The following SMOC2 variants were observed in gnomAD, a reference collection of about 807,000 sequenced individuals.
SMOC2 encodes the protein SPARC-related modular calcium-binding protein 2.
A neutral mutation model predicts 61.4 loss-of-function variants in SMOC2; 39 were observed. That is an observed-to-expected ratio of 0.64 (90% confidence interval 0.49 to 0.83). SMOC2 has a LOEUF of 0.83. Among genes scored for constraint, SMOC2 ranks in the 40% least tolerant of loss-of-function variants. SMOC2 has a pLI of 0.00. For synonymous variants in SMOC2, 247 were observed against 239.9 expected (o/e 1.03, Z -0.27); for missense variants, 556 against 592.9 (o/e 0.94, Z 0.65).
At chr6:168,458,665 G>C (rs192041331) in intron 1 of SMOC2, among the ~76,000 whole-genome samples, 3 of 152,088 alleles carry the variant, frequency 2.0e-5, no homozygotes, top group Non-Finnish European at 2.9e-5. Flanking sequence ...ACCCCTGTCC[G>C]GGCCGTCTTC....
At chr6:168,461,762 AGC>A (rs1781722642) in intron 1 of SMOC2, among the ~76,000 whole-genome samples, 1 of 152,238 alleles carries the variant, frequency 6.6e-6, no homozygotes. Flanking sequence ...CAGATGAGGC[AGC>A]CGTGCTAGAA....
At chr6:168,549,294 A>G (rs1013573641) in intron 7 of SMOC2, 91 bp downstream of exon 7, 3 of 1,238,710 alleles carry the variant, frequency 2.4e-6, no homozygotes, top group Admixed American at 1.8e-5. Context: ...TGTATTGTAC[A>G]GTTGACCCTT....
chr6:168,599,531 C>G (rs1431193932), intron 8 of SMOC2, among the ~76,000 whole-genome samples: 1 of 39,000 alleles, frequency 2.6e-5, no homozygotes, highest in Non-Finnish European at 6.4e-5. Flanking sequence ...CATACCCCCA[C>G]ACACCCACTC....
chr6:168,501,391 A>G (rs1483231814), intron 1 of SMOC2, among the ~76,000 whole-genome samples: 3 of 152,212 alleles, frequency 2.0e-5, no homozygotes, highest in Non-Finnish European at 4.4e-5. Context: ...AAAAAGTACA[A>G]TAAAGCACCA....
intron 11 of SMOC2, among the ~76,000 whole-genome samples, chr6:168,653,802 A>G (rs531945413): frequency 1.4e-3 from 201 of 148,594 alleles, no homozygotes; most frequent in Middle Eastern, 7.0e-3. Flanking sequence ...AGATGTTAGG[A>G]ACTCACCACC....
chr6:168,564,874 G>A (rs770711238), intron 7 of SMOC2, among the ~76,000 whole-genome samples: 33 of 152,210 alleles, frequency 2.2e-4, no homozygotes, highest in Non-Finnish European at 4.3e-4. Context: ...CTGACATAAG[G>A]TTAACCTGGA....
At chr6:168,521,600 C>T (rs1327687726) in intron 2 of SMOC2, among the ~76,000 whole-genome samples, 2 of 152,306 alleles carry the variant, frequency 1.3e-5, no homozygotes, top group African/African-American at 2.4e-5. Context: ...CAAAATATTT[C>T]TGTTAGGGCT....
intron 2 of SMOC2, among the ~76,000 whole-genome samples, chr6:168,524,424 C>T (rs1783407578): frequency 6.6e-6 from 1 of 152,172 alleles, no homozygotes; most frequent in South Asian, 2.1e-4. Flanking sequence ...CCAAGAGCTG[C>T]AGATTTCAGA....
chr6:168,650,664 A>T lies in SMOC2; in HGVS notation c.908-17A>T, dbSNP rs1207488834. The T allele has an allele frequency of 1.9e-6, 3 of 1,609,224 alleles. No homozygotes were observed. The highest frequency in any genetic ancestry group is 2.6e-6 in the Non-Finnish European group (3 of 1,176,404). On this transcript the variant is annotated splice_polypyrimidine_tract_variant and intron_variant, in intron 9 of 12. Coordinates refer to ENST00000356284, the MANE Select transcript of SMOC2 (RefSeq NM_001166412.2). ...GGCTTTATGAGTTAATTATGAAAAC[A>T]TACACGTGTTTTTCAGGTTGTCCGG...
Position 168,475,815 on chromosome 6 carries a change from G to T in SMOC2, c.85-34100G>T, listed in dbSNP as rs77475658. ...TCTCCGGAGCCAGTGGGTGGGAGCC[G>T]CAGGGCTGGGCAGTGGGCACAGGTG... On this transcript the variant is annotated intron_variant, in intron 1 of 12. Coordinates refer to ENST00000356284, the MANE Select transcript of SMOC2 (RefSeq NM_001166412.2). The surrounding 1 kb of genome is among the most constrained non-coding windows in gnomAD (Gnocchi z 4.6). Among the ~76,000 whole-genome samples, 1 of 152,042 alleles carries T rather than the reference G, an allele frequency of 6.6e-6. No homozygotes were observed. The highest frequency in any genetic ancestry group is 1.9e-4 in the East Asian group (1 of 5,174).
At chr6:168,635,609 G>A (rs376865590) in intron 9 of SMOC2, among the ~76,000 whole-genome samples, 1 of 152,116 alleles carries the variant, frequency 6.6e-6, no homozygotes, top group East Asian at 1.9e-4. Flanking sequence ...GGTGGCTCAC[G>A]CCTGTAATCC....
At chr6:168,537,951 C>G (rs549770319) in intron 4 of SMOC2, among the ~76,000 whole-genome samples, 7 of 152,338 alleles carry the variant, frequency 4.6e-5, no homozygotes, top group Admixed American at 4.6e-4. Context: ...CTTCCTCACC[C>G]TGGAATCTGG....
At chr6:168,458,479 A>G (rs1345217496) in intron 1 of SMOC2, among the ~76,000 whole-genome samples, 2 of 152,150 alleles carry the variant, frequency 1.3e-5, no homozygotes, top group African/African-American at 4.8e-5. Context: ...CCAGCTTCTG[A>G]GTCTCAGTCT....
chr6:168,598,712 G>C (rs1350950707), intron 7 of SMOC2, 106 bp from the exon 8 acceptor site: 2 of 1,328,818 alleles, frequency 1.5e-6, no homozygotes, highest in Admixed American at 3.7e-5. Flanking sequence ...CCGGGGTGAA[G>C]GAGGACCACA....
At chr6:168,599,662 T>G (rs920472883) in intron 8 of SMOC2, among the ~76,000 whole-genome samples, 3 of 102,918 alleles carry the variant, frequency 2.9e-5, no homozygotes, top group Admixed American at 1.1e-4. Flanking sequence ...ATACCCACAC[T>G]CACACACTCC....
At position 168,543,606 on chromosome 6, in the gene SMOC2, C is replaced by T; in HGVS notation, c.464-19C>T. ...GAGTCCAAAATAATTTCATTTCACT[C>T]CTTATTTTCCTCTTTTAGGTTCCGT... On this transcript the variant is annotated intron_variant, in intron 4 of 12. Coordinates refer to ENST00000356284, the MANE Select transcript of SMOC2 (RefSeq NM_001166412.2). 6.2e-7 allele frequency: 1 copy of T among 1,610,316 alleles called. No homozygotes were observed. Among genetic ancestry groups the T allele is most frequent in the Non-Finnish European group, 8.5e-7 (1 of 1,177,068 alleles).
intron 9 of SMOC2, among the ~76,000 whole-genome samples, chr6:168,646,556 T>A (rs1787037234): frequency 6.6e-6 from 1 of 152,132 alleles, no homozygotes; most frequent in Admixed American, 6.5e-5. Context: ...ACAAAAATGG[T>A]TTTTGTTTCT....
At chr6:168,630,725 A>G (rs1321561038) in intron 9 of SMOC2, among the ~76,000 whole-genome samples, 2 of 152,204 alleles carry the variant, frequency 1.3e-5, no homozygotes, top group African/African-American at 4.8e-5. Context: ...TTTTCTCAGC[A>G]TGGAACATCC....
chr6:168,588,821 G>A (rs1029275941), intron 7 of SMOC2, among the ~76,000 whole-genome samples: 7 of 152,186 alleles, frequency 4.6e-5, no homozygotes, highest in African/African-American at 1.7e-4. Context: ...GGTTAGGTGT[G>A]TTGGCTCACG....
Sources: gnomAD v4.1 joint callset for allele counts (sites outside exome capture counted in the v4.1 genomes callset) on GRCh38, gnomAD v4.1.1 for gene constraint, Gnocchi (gnomAD v3.1) non-coding constraint, MANE v1.5 for transcripts, NCBI Gene and HGNC (gene_info 2026-07-23, HGNC 2026-07-21) for gene names.